Variants in EPHA6 observed in about 807,000 individuals in gnomAD.
EPHA6 encodes the protein EPH receptor A6, also known as ephrin type-A receptor 6.
EPHA6 carries 50 observed loss-of-function variants against 112.0 expected under a neutral mutation model. The ratio of observed to expected loss-of-function variants is 0.45; its 90% CI spans 0.36 to 0.56. EPHA6 has a LOEUF of 0.56. Among genes scored for constraint, EPHA6 ranks in the 20% least tolerant of loss-of-function variants. The pLI is 0.00. For missense variants in EPHA6, 1,280 were observed against 1,417.4 expected, an observed-to-expected ratio of 0.90 and a Z score of 1.56; for synonymous variants, 529 against 490.7, an observed-to-expected ratio of 1.08 and a Z score of -1.03.
intron 3 of EPHA6, among the ~76,000 whole-genome samples, chr3:97,166,668 T>G (rs1001244436): frequency 2.0e-5 from 3 of 152,270 alleles, no homozygotes; most frequent in East Asian, 3.9e-4. Context: ...AGGCCCCACA[T>G]TCCTCAGGAT....
At chr3:97,394,052 A>G (rs960453987) in intron 5 of EPHA6, among the ~76,000 whole-genome samples, 10 of 151,784 alleles carry the variant, frequency 6.6e-5, no homozygotes, top group African/African-American at 2.2e-4. Context: ...TAAATTTGTA[A>G]CATATGAATT....
intron 6 of EPHA6, among the ~76,000 whole-genome samples, chr3:97,431,957 T>C (rs930452774): frequency 1.3e-5 from 2 of 152,102 alleles, no homozygotes; most frequent in Non-Finnish European, 2.9e-5. Context: ...TACTCTTGAA[T>C]GTCAAAATGG....
At chr3:97,290,402 T>C (rs896235885) in intron 5 of EPHA6, among the ~76,000 whole-genome samples, 1 of 152,144 alleles carries the variant, frequency 6.6e-6, no homozygotes, top group African/African-American at 2.4e-5. Context: ...GTGAGAAGAA[T>C]GTATAGTCTG....
intron 14 of EPHA6, among the ~76,000 whole-genome samples, chr3:97,688,041 T>C (rs1230103854): frequency 6.6e-5 from 10 of 152,130 alleles, no homozygotes; most frequent in Admixed American, 6.5e-4. Flanking sequence ...GGCGGGGAAA[T>C]ATGCTTCATT....
chr3:97,655,188 A>G (rs2094130849), intron 14 of EPHA6, among the ~76,000 whole-genome samples: 1 of 150,568 alleles, frequency 6.6e-6, no homozygotes, highest in Non-Finnish European at 1.5e-5. Flanking sequence ...GTTTCTCTAG[A>G]TGAGGAAATT....
chr3:96,908,148 T>C (rs186662306), intron 2 of EPHA6, among the ~76,000 whole-genome samples: 222 of 152,120 alleles, frequency 1.5e-3, no homozygotes, highest in African/African-American at 5.1e-3. Flanking sequence ...AGCCATGTGA[T>C]ATGCACAATG....
chr3:97,181,542 T>C (rs1006566707), intron 3 of EPHA6, among the ~76,000 whole-genome samples: 1 of 152,098 alleles, frequency 6.6e-6, no homozygotes, highest in African/African-American at 2.4e-5. Context: ...TGCTTTGATG[T>C]GTTAGTTCTT....
intron 5 of EPHA6, among the ~76,000 whole-genome samples, chr3:97,347,843 A>G (rs368791390): frequency 1.3e-5 from 2 of 152,218 alleles, no homozygotes; most frequent in East Asian, 1.9e-4. Context: ...ATTTTCACAT[A>G]TAAGAATTAA....
At chr3:96,915,821 GTTTGA>G (rs1259436050) in intron 2 of EPHA6, among the ~76,000 whole-genome samples, 1 of 151,898 alleles carries the variant, frequency 6.6e-6, no homozygotes, top group Non-Finnish European at 1.5e-5. Flanking sequence ...ATTCTATTTA[GTTTGA>G]AAAATAACCC....
chr3:96,964,111 G>A (rs2042039523), intron 2 of EPHA6, among the ~76,000 whole-genome samples: 1 of 152,018 alleles, frequency 6.6e-6, no homozygotes, highest in Non-Finnish European at 1.5e-5. Flanking sequence ...TCACATCATG[G>A]TAGATGGGGT....
chr3:97,142,469 A>C (rs962638593), intron 3 of EPHA6, among the ~76,000 whole-genome samples: 1 of 151,970 alleles, frequency 6.6e-6, no homozygotes, highest in African/African-American at 2.4e-5. Flanking sequence ...TTAAATAAGC[A>C]CAATCACAAA....
chr3:97,723,000 G>A (rs1014662998), intron 15 of EPHA6, among the ~76,000 whole-genome samples: 1 of 152,102 alleles, frequency 6.6e-6, no homozygotes, highest in African/African-American at 2.4e-5. Context: ...CAAGAAAGGG[G>A]TGAGATGATT....
At chr3:97,369,834 T>C (rs1274209760) in intron 5 of EPHA6, among the ~76,000 whole-genome samples, 1 of 152,100 alleles carries the variant, frequency 6.6e-6, no homozygotes, top group African/African-American at 2.4e-5. Flanking sequence ...AATTTAGGAG[T>C]ATACTACTTT....
chr3:97,388,625 C>T (rs796993818), intron 5 of EPHA6, among the ~76,000 whole-genome samples: 5 of 152,204 alleles, frequency 3.3e-5, no homozygotes, highest in African/African-American at 1.2e-4. Context: ...CTATTGCTGA[C>T]TTCTTCTCTT....
intron 3 of EPHA6, among the ~76,000 whole-genome samples, chr3:97,079,001 C>T (rs2046628883): frequency 6.6e-6 from 1 of 152,124 alleles, no homozygotes; most frequent in African/African-American, 2.4e-5. Flanking sequence ...ACCAGCAGTC[C>T]CATTACTGGG....
At chr3:97,629,842 G>A (rs978916853) in intron 13 of EPHA6, among the ~76,000 whole-genome samples, 2 of 151,968 alleles carry the variant, frequency 1.3e-5, no homozygotes, top group Admixed American at 6.6e-5. Flanking sequence ...ATTCTGATAT[G>A]CTCTAATGAT....
At chr3:97,174,811 A>T (rs923672416) in intron 3 of EPHA6, among the ~76,000 whole-genome samples, 3 of 151,790 alleles carry the variant, frequency 2.0e-5, no homozygotes, top group Admixed American at 2.0e-4. Context: ...CTTGTCAGAT[A>T]GGTAGTTTGC....
chr3:97,018,639 AC>A (rs1215249013), intron 3 of EPHA6, among the ~76,000 whole-genome samples: 2 of 152,222 alleles, frequency 1.3e-5, no homozygotes, highest in African/African-American at 4.8e-5. Context: ...TATCTAGAAG[AC>A]AGAGCCAGGT....
At chr3:96,868,658 G>A (rs1313346717) in intron 2 of EPHA6, among the ~76,000 whole-genome samples, 1 of 151,738 alleles carries the variant, frequency 6.6e-6, no homozygotes, top group Admixed American at 6.6e-5. Context: ...AATATGTCAT[G>A]GGTGGAAGAG....
Sources: allele counts gnomAD v4.1 joint callset (sites outside exome capture counted in the v4.1 genomes callset), GRCh38; gene constraint gnomAD v4.1.1; transcripts MANE v1.5; gene names NCBI Gene and HGNC (gene_info 2026-07-23, HGNC 2026-07-21).